The following AIFM3 variants were observed in gnomAD, a reference collection of about 807,000 sequenced individuals.
AIFM3 encodes apoptosis-inducing factor 3.
AIFM3 carries 71 observed loss-of-function variants against 82.7 expected under a neutral mutation model. The observed-to-expected ratio is 0.86, with a 90% CI of 0.71 to 1.05. The LOEUF (loss-of-function observed/expected upper bound fraction) is 1.05. Among genes scored for constraint, AIFM3 ranks in the 50% least tolerant of loss-of-function variants. The pLI, the probability that AIFM3 is intolerant of heterozygous loss-of-function variation, is 0.00. For synonymous variants in AIFM3, 337 were observed against 329.1 expected, an observed-to-expected ratio of 1.02 and a Z score of -0.26; for missense variants, 748 against 816.7, an observed-to-expected ratio of 0.92 and a Z score of 1.03.
At chr22:20,978,104 A>G (rs1923817153) in intron 16 of AIFM3, 99 bp downstream of exon 16, 1 of 858,726 alleles carries the variant, frequency 1.2e-6, no homozygotes, top group African/African-American at 2.3e-5. Flanking sequence ...GGTCCTGGAC[A>G]CTGTTAGGCA....
Position 20,973,828 on chromosome 22 carries a change from G to C in AIFM3, c.316G>C (p.Gly106Arg). 2 of 1,577,126 alleles carry C rather than the reference G, an allele frequency of 1.3e-6. No individual in the cohort carries two copies. The highest frequency in any genetic ancestry group is 1.7e-6 in the Non-Finnish European group (2 of 1,161,248). ...GGACAATGGGGAGTTCCACGCCCTG[G>C]GCCATAAGTGTCCGCACTACGGCGC... ...VKDNGEFHAL[G>R]HKCPHYGAPL... is the part of the protein sequence containing the mutation. The change falls in exon 4 of 21, where the codon GGC becomes CGC. Residue 106 changes from glycine (G) to arginine (R), a missense_variant. Gly to Arg is a moderately radical substitution (Grantham distance 125). Around this residue, in one of 5 missense-constraint regions of AIFM3, gnomAD observed 148 missense variants for 134.1 expected, o/e 1.10. Coordinates refer to ENST00000440238, the MANE Select transcript of AIFM3 (RefSeq NM_001386814.1).
intron 18 of AIFM3, 59 bp downstream of exon 18, chr22:20,979,761 A>T: frequency 6.3e-7 from 1 of 1,594,288 alleles, no homozygotes; most frequent in Non-Finnish European, 8.6e-7. Context: ...GGGAAGGGGG[A>T]TTCATCCCAG....
intron 9 of AIFM3, among the ~76,000 whole-genome samples, 183 bp downstream of exon 9, chr22:20,975,961 A>G (rs1923620358): frequency 6.6e-6 from 1 of 152,240 alleles, no homozygotes; most frequent in African/African-American, 2.4e-5. Context: ...AGGCACACAC[A>G]GAGCCCCACG....
At chr22:20,975,649 TCTG>T (rs1244051682) in intron 8 of AIFM3, 40 bp from the exon 9 acceptor site, 1 of 1,601,372 alleles carries the variant, frequency 6.2e-7, no homozygotes. Flanking sequence ...CCCAGTGTCT[TCTG>T]CTGTAAACTG....
rs1270030399 is a variant in AIFM3 at position 20,973,464 on chromosome 22, C to T, written c.189C>T (p.Ser63=). ...ERLSTPHPYP[S]PQDCVEAAVC... ...TGTCCACCCCTCACCCCTACCCCAG[C>T]CCTCAGGATTGCGTGGAGGCTGCTG... The change falls in exon 3 of 21, where the codon AGC becomes AGT. Residue 63 remains serine (S), a synonymous_variant. Transcript: ENST00000440238. The T allele has an allele frequency of 6.2e-7, 1 of 1,613,072 alleles. No individual in the cohort carries two copies. The highest frequency in any genetic ancestry group is 1.3e-5 in the African/African-American group (1 of 74,948).
In AIFM3 at chr22:20,974,290, C is replaced by T; in HGVS notation, c.504C>T (p.Ser168=). 1 of 1,613,562 alleles carries T rather than the reference C, an allele frequency of 6.2e-7. No homozygotes were observed. The highest frequency in any genetic ancestry group is 1.1e-5 in the South Asian group (1 of 91,010). The part of the protein sequence containing the change: ...IEKEKVYVRA[S]KQALQLQRRT... ...AGGAGAAGGTGTACGTCCGGGCCAG[C>T]AAGCAGGTGAGGGGATAGCTCGGGG... Residue 168 remains serine (S), a synonymous_variant, in exon 6 of 21, where the codon AGC becomes AGT. Transcript: ENST00000440238.
At position 20,976,220 on chromosome 22, in the gene AIFM3, C is replaced by A; in HGVS notation, c.813C>A (p.Val271=). Residue 271 remains valine, a synonymous_variant, in exon 10 of 21, where the codon GTC becomes GTA. Coordinates refer to ENST00000440238, the MANE Select transcript of AIFM3 (RefSeq NM_001386814.1). ...CTGCCTGGTGGGGATTGCAGGTGGTCACAGTGGACGTGAGAACTAAGAAGG... is the reference window on the plus strand; with the variant it reads ...CTGCCTGGTGGGGATTGCAGGTGGTAACAGTGGACGTGAGAACTAAGAAGG... ...GIEVLTEAQV[V]TVDVRTKKVV... is the part of the protein sequence containing the mutation. The A allele has an allele frequency of 1.2e-6, 2 of 1,613,228 alleles. No homozygotes were observed. Among genetic ancestry groups the A allele is most frequent in the South Asian group, 2.2e-5 (2 of 90,776 alleles).
Position 20,980,784 on chromosome 22 carries a change from T to G in AIFM3, c.1778+17T>G. 2.5e-6 allele frequency: 4 copies of G among 1,614,210 alleles called. No individual in the cohort carries two copies. The highest frequency in any genetic ancestry group is 2.5e-6 in the Non-Finnish European group (3 of 1,180,026). ...GCACAGCAAGTACGTGTGTCCTTCATGTTGACCGTTCTGAGCCTTTCCCAT... is the reference window on the plus strand; with the variant it reads ...GCACAGCAAGTACGTGTGTCCTTCAGGTTGACCGTTCTGAGCCTTTCCCAT... On this transcript the variant is annotated intron_variant, in intron 20 of 20. Transcript: ENST00000440238.
At chr22:20,979,425 G>T in intron 17 of AIFM3, 56 bp downstream of exon 17, 13 of 1,499,582 alleles carry the variant, frequency 8.7e-6, no homozygotes, top group African/African-American at 1.4e-5. Flanking sequence ...GGCGGGGCTT[G>T]GGTGTGGGGC....
chr22:20,975,614 GGGGCTGGCCC>G, intron 8 of AIFM3, 68 bp from the exon 9 acceptor site: 1 of 1,439,838 alleles, frequency 6.9e-7, no homozygotes. Flanking sequence ...CTATGTGACT[GGGGCTGGCCC>G]CACCTTCCCT....
chr22:20,968,224 C>T (rs1381571320), intron 2 of AIFM3, among the ~76,000 whole-genome samples: 2 of 152,166 alleles, frequency 1.3e-5, no homozygotes, highest in East Asian at 1.9e-4. Flanking sequence ...GTGGGAATAA[C>T]AGCAGGACCC....
At chr22:20,980,430 T>G in intron 19 of AIFM3, 1 of 596,542 alleles carries the variant, frequency 1.7e-6, no homozygotes. Flanking sequence ...TAACTGGACA[T>G]AGTTGTGCTG....
chr22:20,967,997 C>G, intron 2 of AIFM3, 22 bp downstream of exon 2: 2 of 1,612,562 alleles, frequency 1.2e-6, no homozygotes, highest in Non-Finnish European at 1.7e-6. Flanking sequence ...CTTCTTGTCT[C>G]CATCCTTTCT....
At position 20,976,399 on chromosome 22, in the gene AIFM3, A is replaced by G. The variant is rs773595892; in HGVS notation, c.900-9A>G. ...CCAGGAGGCCCTCACTGACACGGCC[A>G]TGTCTCAGCCCCAAGACTCTGAGCT... On this transcript the variant is annotated splice_polypyrimidine_tract_variant and intron_variant, in intron 10 of 20. Transcript: ENST00000440238. 32 of 1,613,780 alleles carry G rather than the reference A, an allele frequency of 2.0e-5. No individual in the cohort carries two copies. The highest frequency in any genetic ancestry group is 3.4e-6 in the Non-Finnish European group (4 of 1,180,014).
chr22:20,976,826 G>C, intron 12 of AIFM3, 41 bp from the exon 13 acceptor site: 1 of 1,592,928 alleles, frequency 6.3e-7, no homozygotes, highest in Admixed American at 1.7e-5. Context: ...GCCCCTGGCT[G>C]GGCTCTCATC....
intron 8 of AIFM3, among the ~76,000 whole-genome samples, 185 bp downstream of exon 8, chr22:20,975,001 C>T (rs2018589): frequency 0.37 from 56,396 of 152,088 alleles, 11,885 homozygotes; most frequent in Non-Finnish European, 0.47. Context: ...CTCACTCTGT[C>T]GCCCAGGCTG....
chr22:20,974,897 T>G, intron 8 of AIFM3, 81 bp downstream of exon 8: 1 of 1,449,812 alleles, frequency 6.9e-7, no homozygotes. Context: ...GTCACCCCAT[T>G]GGGGTCTGGC....
rs765843959 is a variant in AIFM3 at position 20,975,750 on chromosome 22, A to G, written c.779A>G (p.Tyr260Cys). 4.3e-6 allele frequency: 7 copies of G among 1,613,488 alleles called. No homozygotes were observed. The highest frequency in any genetic ancestry group is 1.1e-5 in the South Asian group (1 of 91,084). Residue 260 changes from tyrosine to cysteine, a missense_variant, in exon 9 of 21, where the codon TAT (tyrosine) becomes TGT (cysteine). By Grantham distance (194) the Tyr-to-Cys change is radical (BLOSUM62 -2). Coordinates refer to ENST00000440238, the MANE Select transcript of AIFM3 (RefSeq NM_001386814.1). ...ALRPKEFFRA[Y>C]GIEVLTEAQV... ...AGGCCCAAGGAGTTTTTCCGAGCCTATGGCATCGAGGTGCTCACCGAGGCT... is the reference window on the plus strand; with the variant it reads ...AGGCCCAAGGAGTTTTTCCGAGCCTGTGGCATCGAGGTGCTCACCGAGGCT...
At position 20,976,447 on chromosome 22, in the gene AIFM3, C is replaced by T. The variant is rs766601469; in HGVS notation, c.939C>T (p.Asn313=). The T allele has an allele frequency of 1.9e-5, 31 of 1,613,964 alleles. No homozygotes were observed. The highest frequency in any genetic ancestry group is 8.8e-5 in the South Asian group (8 of 91,090). Residue 313 remains asparagine (N), a synonymous_variant, in exon 11 of 21, where the codon AAC becomes AAT. Transcript: ENST00000440238. The part of the protein sequence containing the change: ...TLSCKGKEVE[N]VFTIRTPEDA... ...GCTGCAAAGGCAAAGAAGTGGAGAA[C>T]GTGTTCACTATCCGGACGCCAGAGG...
Sources: allele counts gnomAD v4.1 joint callset (sites outside exome capture counted in the v4.1 genomes callset), GRCh38; gene constraint gnomAD v4.1.1; regional missense constraint gnomAD v4.1.1; transcripts MANE v1.5; gene names NCBI Gene and HGNC (gene_info 2026-07-23, HGNC 2026-07-21).